The following HLCS variants were observed in gnomAD, a reference collection of about 807,000 sequenced individuals.
HLCS encodes the protein biotin--protein ligase.
In HLCS, 53 loss-of-function variants were observed where a neutral mutation model predicts 75.0. The observed-to-expected ratio is 0.71, with a 90% CI of 0.57 to 0.89. The LOEUF is 0.89. Ranked by LOEUF, HLCS falls within the 40% of genes least tolerant of loss-of-function variation. The pLI, the probability that HLCS is intolerant of heterozygous loss-of-function variation, is 0.00. For synonymous variants in HLCS, 431 were observed against 428.6 expected, an observed-to-expected ratio of 1.01 and a Z score of -0.07; for missense variants, 966 against 1,074.0, an observed-to-expected ratio of 0.90 and a Z score of 1.41.
At chr21:36,786,784 TG>T (rs2145859469) in intron 6 of HLCS, among the ~76,000 whole-genome samples, 1 of 152,344 alleles carries the variant, frequency 6.6e-6, no homozygotes, top group African/African-American at 2.4e-5. Context: ...ATTAGCTATA[TG>T]GGAGGATCCA....
chr21:36,953,230 G>GCCTCTCAA (rs1286211977), intron 2 of HLCS, among the ~76,000 whole-genome samples: 1 of 152,264 alleles, frequency 6.6e-6, no homozygotes, highest in African/African-American at 2.4e-5. Context: ...TCAAGTAGCT[G>GCCTCTCAA]GGACCACAGG....
intron 5 of HLCS, among the ~76,000 whole-genome samples, chr21:36,909,185 A>C (rs1170314976): frequency 3.3e-5 from 5 of 152,232 alleles, no homozygotes; most frequent in African/African-American, 4.8e-5. Context: ...CAACAGAGCG[A>C]GACTCCATCT....
At chr21:36,838,471 C>T (rs1379607227) in intron 6 of HLCS, among the ~76,000 whole-genome samples, 4 of 152,018 alleles carry the variant, frequency 2.6e-5, no homozygotes, top group East Asian at 1.9e-4. Flanking sequence ...TTTGGGAGGC[C>T]GAGGCGGGCA....
chr21:36,949,622 A>T (rs1259531378), intron 2 of HLCS, among the ~76,000 whole-genome samples: 1 of 152,210 alleles, frequency 6.6e-6, no homozygotes, highest in Non-Finnish European at 1.5e-5. Context: ...TCTCAATAGG[A>T]GGAAAGAATT....
chr21:36,759,291 C>G (rs1475573405), intron 9 of HLCS: 6 of 440,112 alleles, frequency 1.4e-5, no homozygotes, highest in African/African-American at 8.2e-5. Context: ...CCGCCTTGAC[C>G]AGCATGGAGC....
chr21:36,788,492 C>T (rs2060762760), intron 6 of HLCS, among the ~76,000 whole-genome samples: 1 of 152,214 alleles, frequency 6.6e-6, no homozygotes, highest in African/African-American at 2.4e-5. Context: ...ATCAAGATTG[C>T]TGTGTGTGCT....
At chr21:36,856,937 C>A (rs958876798) in intron 6 of HLCS, among the ~76,000 whole-genome samples, 1 of 152,168 alleles carries the variant, frequency 6.6e-6, no homozygotes, top group African/African-American at 2.4e-5. Context: ...ACTTTGATTA[C>A]CTTAAATTAG....
chr21:36,929,367 G>T (rs1221546267), intron 5 of HLCS, among the ~76,000 whole-genome samples: 1 of 152,196 alleles, frequency 6.6e-6, no homozygotes, highest in East Asian at 1.9e-4. Flanking sequence ...AGTGCTCTCA[G>T]ATTTTCTATC....
At chr21:36,775,301 G>T (rs3787750) in intron 6 of HLCS, among the ~76,000 whole-genome samples, 67,650 of 152,132 alleles carry the variant, frequency 0.44, 15,864 homozygotes, top group Non-Finnish European at 0.54. Context: ...TCAGAATGAG[G>T]CTCCTTTTTG....
intron 6 of HLCS, among the ~76,000 whole-genome samples, chr21:36,843,759 TAAG>T (rs201055050): frequency 0.017 from 2,568 of 151,836 alleles, 46 homozygotes; most frequent in Non-Finnish European, 0.027. Flanking sequence ...TCCCAACACT[TAAG>T]GAGGTCGAGA....
chr21:36,940,023 T>C (rs1048197205), intron 2 of HLCS, among the ~76,000 whole-genome samples: 1 of 152,162 alleles, frequency 6.6e-6, no homozygotes, highest in African/African-American at 2.4e-5. Flanking sequence ...CACTCCAGCC[T>C]GGGTGACAGA....
intron 6 of HLCS, among the ~76,000 whole-genome samples, chr21:36,798,826 A>G (rs1978633144): frequency 6.6e-6 from 1 of 152,234 alleles, no homozygotes. Flanking sequence ...AGGAATTTAT[A>G]AATTTTCTTT....
chr21:36,757,184 TAG>T (rs1280194530), intron 9 of HLCS, among the ~76,000 whole-genome samples: 1 of 151,592 alleles, frequency 6.6e-6, no homozygotes. Flanking sequence ...CGCTTGAAAA[TAG>T]AGTTTTATTC....
In HLCS at chr21:36,754,067, G is replaced by T; in HGVS notation, c.*179C>A. On this transcript the variant is annotated 3_prime_UTR_variant, in exon 11 of 11. Transcript: ENST00000674895. ...CTACTTCTTAACCATCTATCCCAGAGCCTCTTCAAACACCAAAGAAAACGA... is the reference window on the plus strand; with the variant it reads ...CTACTTCTTAACCATCTATCCCAGATCCTCTTCAAACACCAAAGAAAACGA... 2 of 698,514 alleles carry T rather than the reference G, an allele frequency of 2.9e-6. No individual in the cohort carries two copies. The highest frequency in any genetic ancestry group is 4.8e-6 in the Non-Finnish European group (2 of 418,920). The allele number at this position is 698,514 out of a possible 1,614,324, so 43.3% of individuals were successfully genotyped here.
chr21:36,938,354 C>A (rs1601809504), intron 3 of HLCS, among the ~76,000 whole-genome samples: 1 of 152,180 alleles, frequency 6.6e-6, no homozygotes, highest in Non-Finnish European at 1.5e-5. Flanking sequence ...ATGTACCCTG[C>A]AGCCCCCCAA....
intron 6 of HLCS, among the ~76,000 whole-genome samples, chr21:36,816,151 G>C (rs2061656640): frequency 6.6e-6 from 1 of 152,088 alleles, no homozygotes; most frequent in African/African-American, 2.4e-5. Context: ...ACTACTCTTA[G>C]CCTCAGTTTT....
At chr21:36,822,662 A>C (rs549437844) in intron 6 of HLCS, among the ~76,000 whole-genome samples, 2 of 152,350 alleles carry the variant, frequency 1.3e-5, no homozygotes, top group Non-Finnish European at 1.5e-5. Flanking sequence ...CAGCTTGTTC[A>C]GGGATGTATG....
Position 36,938,875 on chromosome 21 carries a change from A to G in HLCS, c.450T>C (p.Asp150=), listed in dbSNP as rs372059509. 5 of 1,613,988 alleles carry G rather than the reference A, an allele frequency of 3.1e-6. No homozygotes were observed. The African/African-American group carries it at 6.7e-5, about 22-fold the overall frequency. The part of the protein sequence containing the change: ...FSKLGVAFME[D]RLHMDNGLVP... ...CCAGTCCATTATCCATGTGGAGTCT[A>G]TCTTCCATGAACGCCACCCCCAGCT... The change falls in exon 3 of 11, where the codon GAT becomes GAC. Residue 150 remains aspartate (D), a synonymous_variant. Coordinates refer to ENST00000674895, the MANE Select transcript of HLCS (RefSeq NM_001352514.2).
Position 36,930,406 on chromosome 21 carries a change from TG to T in HLCS, c.1464del (p.Asn489ThrfsTer2). 3.1e-6 allele frequency: 5 copies of T among 1,614,202 alleles called. No individual in the cohort carries two copies. Among genetic ancestry groups the T allele is most frequent in the Non-Finnish European group, 4.2e-6 (5 of 1,180,014 alleles). On this transcript the variant is annotated frameshift_variant, in exon 5 of 11. Coordinates refer to ENST00000674895, the MANE Select transcript of HLCS (RefSeq NM_001352514.2). LOFTEE classifies it high-confidence loss of function. ...CQVHLELPPS[S>X]NIVQTPEDFN... is the part of the protein sequence containing the mutation. ...AAATCTTCTGGAGTTTGCACTATGT[TG>T]GAGCTGGGAGGTAGTTCTAAGTGCA... is the stretch of plus-strand genomic sequence containing the variant.
Sources: allele counts gnomAD v4.1 joint callset (sites outside exome capture counted in the v4.1 genomes callset), GRCh38; gene constraint gnomAD v4.1.1; transcripts MANE v1.5; gene names NCBI Gene and HGNC (gene_info 2026-07-23, HGNC 2026-07-21).